RFX7: variants seen among roughly 807,000 people sequenced by gnomAD.
RFX7 encodes the protein regulatory factor X7.
Under a neutral mutation model 111.8 loss-of-function variants are expected in RFX7, and 26 were observed. The observed-to-expected ratio is 0.23, with a 90% CI of 0.17 to 0.32. RFX7 has a LOEUF of 0.32. RFX7 is among the 10% of genes least tolerant of loss of function. RFX7 has a pLI of 1.00. For synonymous variants in RFX7, 624 were observed against 624.4 expected (o/e 1.00, Z 0.01); for missense variants, 1,573 against 1,772.9 (o/e 0.89, Z 2.02).
chr15:56,140,349 G>A (rs918624012), intron 5 of RFX7, among the ~76,000 whole-genome samples: 26 of 152,192 alleles, frequency 1.7e-4, no homozygotes, highest in Admixed American at 6.5e-4. Context: ...TCGGAAAAGC[G>A]CAGTATTCGG....
At chr15:56,168,692 GT>G (rs34295711) in intron 3 of RFX7, among the ~76,000 whole-genome samples, 29,985 of 152,030 alleles carry the variant, frequency 0.2, 3,386 homozygotes, top group East Asian at 0.45. Context: ...GGGTAGCCAT[GT>G]TGACATTACT....
intron 5 of RFX7, among the ~76,000 whole-genome samples, chr15:56,123,137 G>C (rs1216659421): frequency 1.3e-5 from 2 of 151,984 alleles, no homozygotes; most frequent in African/African-American, 4.8e-5. Flanking sequence ...GTCTTGCCTT[G>C]TAGCCACCAC....
At chr15:56,150,380 T>A (rs2042552410) in intron 3 of RFX7, among the ~76,000 whole-genome samples, 1 of 152,264 alleles carries the variant, frequency 6.6e-6, no homozygotes, top group Non-Finnish European at 1.5e-5. Context: ...ACCTCCCAGA[T>A]GGGGCCGACA....
At chr15:56,214,286 T>C (rs1235393163) in intron 2 of RFX7, among the ~76,000 whole-genome samples, 1 of 152,120 alleles carries the variant, frequency 6.6e-6, no homozygotes, top group Admixed American at 6.5e-5. Flanking sequence ...TTGAAAAATA[T>C]TTTGATTAAA....
At position 56,173,502 on chromosome 15, in the gene RFX7, C is replaced by T. The variant is rs148570927; in HGVS notation, c.195+5768G>A. 2.5e-3 allele frequency among the ~76,000 whole-genome samples: 381 copies of T among 152,312 alleles called. 2 individuals are homozygous for T. Among genetic ancestry groups the T allele is most frequent in the African/African-American group, 8.6e-3 (357 of 41,570 alleles). On this transcript the variant is annotated intron_variant, in intron 3 of 9. Coordinates refer to ENST00000559447, the MANE Select transcript of RFX7 (RefSeq NM_022841.7). ...TCAGTAAATAAAATGGACCACAGGC[C>T]GGACACAGTGGCTTACGCCTGTAAT...
At chr15:56,111,918 C>A (rs891855833) in intron 5 of RFX7, among the ~76,000 whole-genome samples, 11 of 151,846 alleles carry the variant, frequency 7.2e-5, no homozygotes, top group Admixed American at 1.3e-4. Flanking sequence ...AGGTCGAGAC[C>A]AGCCTGGCCA....
chr15:56,186,164 C>A (rs1297549160), intron 2 of RFX7, among the ~76,000 whole-genome samples: 1 of 152,166 alleles, frequency 6.6e-6, no homozygotes, highest in South Asian at 2.1e-4. Flanking sequence ...GCAAGCTTAC[C>A]TGAAACTTCC....
In RFX7 at chr15:56,137,635, G is replaced by A. The variant is rs2042324137; in HGVS notation, c.401+5143C>T. On this transcript the variant is annotated intron_variant, in intron 5 of 9. Coordinates refer to ENST00000559447, the MANE Select transcript of RFX7 (RefSeq NM_022841.7). ...TTCCTTCAGTTCTGCTCTGATTTTA[G>A]TTATTTCTTGCCTTCTGCTAGCTTT... Among the ~76,000 whole-genome samples the A allele has an allele frequency of 2.0e-5, 3 of 151,936 alleles. 1 individual carries two copies. Among genetic ancestry groups the A allele is most frequent in the East Asian group, 3.9e-4 (2 of 5,172 alleles).
chr15:56,205,013 A>C (rs1216356992), intron 2 of RFX7, among the ~76,000 whole-genome samples: 1 of 152,246 alleles, frequency 6.6e-6, no homozygotes, highest in Non-Finnish European at 1.5e-5. Context: ...TAAGACAATA[A>C]AGGCAAAAGA....
chr15:56,199,397 T>A (rs1229543278), intron 2 of RFX7, among the ~76,000 whole-genome samples: 3 of 152,200 alleles, frequency 2.0e-5, no homozygotes, highest in African/African-American at 7.2e-5. Flanking sequence ...ACCATTGTAA[T>A]ATTTAAAAAT....
chr15:56,214,796 A>G (rs2043347436), intron 2 of RFX7, among the ~76,000 whole-genome samples: 1 of 152,106 alleles, frequency 6.6e-6, no homozygotes, highest in South Asian at 2.1e-4. Context: ...CTTGTTATTG[A>G]AAATGTTTAA....
At chr15:56,156,065 T>C (rs372995430) in intron 3 of RFX7, among the ~76,000 whole-genome samples, 36 of 152,172 alleles carry the variant, frequency 2.4e-4, no homozygotes, top group Middle Eastern at 3.4e-3. Flanking sequence ...AATCTGTTCC[T>C]CTACTTTGGG....
At position 56,098,505 on chromosome 15, in the gene RFX7, A is replaced by G. The variant is rs1053788697; in HGVS notation, c.812-129T>C. 5.9e-6 allele frequency: 5 copies of G among 844,474 alleles called. No individual in the cohort carries two copies. The Admixed American group carries it at 8.8e-5, about 15-fold the overall frequency. 52.3% of individuals were successfully genotyped at this position (844,474 alleles called of 1,614,324 possible). On this transcript the variant is annotated intron_variant, in intron 8 of 9. Transcript: ENST00000559447. The stretch of plus-strand genomic sequence containing the variant: ...CCAAAATGGCAAATTTTAACTCACA[A>G]TTTCTTTATGAAGCATTAGACTTCG...
chr15:56,175,038 C>T (rs1475889173), intron 3 of RFX7, among the ~76,000 whole-genome samples: 4 of 151,900 alleles, frequency 2.6e-5, no homozygotes, highest in African/African-American at 7.3e-5. Context: ...TCTTTTTATT[C>T]GTAGATAATA....
Position 56,218,003 on chromosome 15 carries a change from G to A in RFX7, c.161+25122C>T, listed in dbSNP as rs374644514. Among the ~76,000 whole-genome samples, 48 of 151,506 alleles carry A rather than the reference G, an allele frequency of 3.2e-4. No homozygotes were observed. In the East Asian group the frequency reaches 8.7e-3, roughly 27 times the overall value. On this transcript the variant is annotated intron_variant, in intron 2 of 9. Transcript: ENST00000559447. ...AACCACAAATTGAAAACACTCAGGG[G>A]GAAAAAAAAGAGATGGTTGTGCCTG...
At chr15:56,137,891 G>A (rs1407734913) in intron 5 of RFX7, among the ~76,000 whole-genome samples, 1 of 151,990 alleles carries the variant, frequency 6.6e-6, no homozygotes, top group East Asian at 1.9e-4. Context: ...TCATTCAGGA[G>A]CAGGTTGTTC....
In RFX7 at chr15:56,093,591, A is replaced by C; in HGVS notation, c.4137T>G (p.Asp1379Glu). 20 of 1,613,806 alleles carry C rather than the reference A, an allele frequency of 1.2e-5. No homozygotes were observed. The highest frequency in any genetic ancestry group is 1.6e-5 in the Non-Finnish European group (19 of 1,179,768). ...GASDLTNTAS[D>E]FSSDIRLSSE... Reference sequence around the variant, plus strand: ...AAGACAACCTGATATCGCTAGAGAAATCAGATGCAGTATTAGTGAGATCAG... The same window carrying C: ...AAGACAACCTGATATCGCTAGAGAACTCAGATGCAGTATTAGTGAGATCAG... The change falls in exon 10 of 10, where the codon GAT becomes GAG. Residue 1379 changes from aspartate (D) to glutamate (E), a missense_variant. By Grantham distance (45) the Asp-to-Glu change is conservative (BLOSUM62 2). Around this residue, in one of 7 missense-constraint regions of RFX7, gnomAD observed 411 missense variants for 478.1 expected, o/e 0.86. Coordinates refer to ENST00000559447, the MANE Select transcript of RFX7 (RefSeq NM_022841.7).
intron 4 of RFX7, 83 bp downstream of exon 4, chr15:56,144,318 C>T: frequency 1.7e-6 from 1 of 595,068 alleles, no homozygotes; most frequent in Non-Finnish European, 2.6e-6. Context: ...AAAACTCTAA[C>T]AACCAAAACA....
chr15:56,243,359 G>C (rs1316135946), intron 1 of RFX7, 72 bp from the exon 2 acceptor site: 2 of 840,770 alleles, frequency 2.4e-6, no homozygotes, highest in Non-Finnish European at 3.1e-6. Context: ...ACCGGGAGGG[G>C]AGGACGAAGG....
Sources: gnomAD v4.1 joint callset for allele counts (sites outside exome capture counted in the v4.1 genomes callset) on GRCh38, gnomAD v4.1.1 for gene constraint, gnomAD v4.1.1 regional missense constraint, MANE v1.5 for transcripts, NCBI Gene and HGNC (gene_info 2026-07-23, HGNC 2026-07-21) for gene names.